Variants in TNKS observed in about 807,000 individuals in gnomAD.
TNKS encodes the protein tankyrase, also known as poly [ADP-ribose] polymerase tankyrase-1.
TNKS carries 72 observed loss-of-function variants against 135.8 expected under a neutral mutation model. The observed-to-expected ratio is 0.53, with a 90% CI of 0.44 to 0.64. TNKS has a LOEUF of 0.64. Ranked by LOEUF, TNKS falls within the 30% of genes least tolerant of loss-of-function variation. TNKS has a pLI of 0.00. For missense variants in TNKS, 1,769 were observed against 1,674.0 expected (o/e 1.06, Z -0.99); for synonymous variants, 849 against 649.3 (o/e 1.31, Z -4.68).
At chr8:9,728,651 T>C (rs1030445889) in intron 13 of TNKS, among the ~76,000 whole-genome samples, 1 of 152,230 alleles carries the variant, frequency 6.6e-6, no homozygotes, top group Non-Finnish European at 1.5e-5. Context: ...TTCTTTTTGA[T>C]TTATGTATTT....
At chr8:9,669,339 A>T (rs1026835748) in intron 3 of TNKS, among the ~76,000 whole-genome samples, 1 of 150,658 alleles carries the variant, frequency 6.6e-6, no homozygotes, top group South Asian at 2.1e-4. Flanking sequence ...AATGGCGTGA[A>T]CCCGGGAAGC....
chr8:9,771,446 A>C, intron 26 of TNKS, among the ~76,000 whole-genome samples: 1 of 81,486 alleles, frequency 1.2e-5, no homozygotes, highest in East Asian at 4.3e-4. Flanking sequence ...GAGGAAAGGA[A>C]AAGAGAGAGA....
chr8:9,638,114 A>G (rs569612203), intron 3 of TNKS, among the ~76,000 whole-genome samples: 1 of 152,296 alleles, frequency 6.6e-6, no homozygotes, highest in African/African-American at 2.4e-5. Flanking sequence ...AGCTAAGACT[A>G]TGGGCGTACG....
chr8:9,760,864 T>C (rs1807114988), intron 20 of TNKS, among the ~76,000 whole-genome samples: 1 of 152,242 alleles, frequency 6.6e-6, no homozygotes, highest in Non-Finnish European at 1.5e-5. Context: ...GGAGAAGGGA[T>C]TAAGTCTGAG....
intron 3 of TNKS, among the ~76,000 whole-genome samples, chr8:9,633,560 A>G (rs923100668): frequency 6.6e-6 from 1 of 152,232 alleles, no homozygotes; most frequent in African/African-American, 2.4e-5. Context: ...TCACGTTTGT[A>G]TAGTCCCCTC....
intron 20 of TNKS, among the ~76,000 whole-genome samples, chr8:9,753,687 C>T (rs115934785): frequency 0.011 from 1,669 of 152,206 alleles, 12 homozygotes; most frequent in African/African-American, 0.023. Flanking sequence ...ATTATTCTCC[C>T]AGGTGTAGGG....
At chr8:9,671,525 GA>G (rs1802268857) in intron 3 of TNKS, among the ~76,000 whole-genome samples, 1 of 152,148 alleles carries the variant, frequency 6.6e-6, no homozygotes, top group Non-Finnish European at 1.5e-5. Flanking sequence ...TATATTCTGT[GA>G]TTCCATTTAC....
intron 1 of TNKS, among the ~76,000 whole-genome samples, chr8:9,565,024 C>T (rs2129050059): frequency 6.7e-6 from 1 of 150,112 alleles, no homozygotes; most frequent in South Asian, 2.1e-4. Context: ...AAAAAAAAAT[C>T]ACTTTGATTT....
At chr8:9,773,007 A>G (rs1232051530) in intron 26 of TNKS, among the ~76,000 whole-genome samples, 1 of 151,666 alleles carries the variant, frequency 6.6e-6, no homozygotes, top group Non-Finnish European at 1.5e-5. Flanking sequence ...AATTTTTGCA[A>G]CTTACTTGTA....
At chr8:9,769,612 C>CTTTTTTTTTTTT (rs1163803220) in intron 25 of TNKS, among the ~76,000 whole-genome samples, 2 of 73,462 alleles carry the variant, frequency 2.7e-5, no homozygotes, top group South Asian at 6.0e-4. Flanking sequence ...CAGGCATTTT[C>CTTTTTTTTTTTT]TTTTTTTTTT....
Position 9,556,467 on chromosome 8 carries a change from C to G in TNKS, c.528C>G (p.Val176=). 6.2e-7 allele frequency: 1 copy of G among 1,614,134 alleles called. No homozygotes were observed. The highest frequency in any genetic ancestry group is 8.5e-7 in the Non-Finnish European group (1 of 1,180,032). The part of the protein sequence containing the change: ...GPGAAGPGTG[V]PAVSGALREL... Reference sequence around the variant, plus strand: ...GGGCAGCAGGACCTGGGACAGGGGTCCCAGCAGTGAGCGGGGCCCTACGGG... The same window carrying G: ...GGGCAGCAGGACCTGGGACAGGGGTGCCAGCAGTGAGCGGGGCCCTACGGG... The change falls in exon 1 of 27, where the codon GTC becomes GTG. Residue 176 remains valine (V), a synonymous_variant. Coordinates refer to ENST00000310430, the MANE Select transcript of TNKS (RefSeq NM_003747.3).
Position 9,556,555 on chromosome 8 carries a change from A to C in TNKS, c.616A>C (p.Asn206His), listed in dbSNP as rs745654907. 6.2e-7 allele frequency: 1 copy of C among 1,613,994 alleles called. No homozygotes were observed. The highest frequency in any genetic ancestry group is 8.5e-7 in the Non-Finnish European group (1 of 1,179,982). Residue 206 changes from asparagine (N) to histidine (H), a missense_variant, in exon 1 of 27, where the codon AAC becomes CAC. This residue lies in a region of TNKS where 450 missense variants were observed against 304.9 expected (regional missense o/e 1.48). Transcript: ENST00000310430. The part of the protein sequence containing the change: ...SRVKRLVDAA[N>H]VNAKDMAGRK... ...GGTAAAGAGGCTGGTGGACGCGGCA[A>C]ACGTAAATGCAAAGGACATGGCCGG...
At chr8:9,743,639 G>C (rs1806083600) in intron 17 of TNKS, 3 of 152,358 alleles carry the variant, frequency 2.0e-5, no homozygotes, top group Admixed American at 2.0e-4. Flanking sequence ...TATAATCCCA[G>C]CACTTTGGGA....
chr8:9,775,190 G>C (rs990395849), intron 26 of TNKS, among the ~76,000 whole-genome samples: 1 of 151,910 alleles, frequency 6.6e-6, no homozygotes, highest in African/African-American at 2.4e-5. Context: ...ATTAGCAGTA[G>C]GTATCTGACC....
Position 9,615,927 on chromosome 8 carries a change from A to C in TNKS, c.994+250A>C, listed in dbSNP as rs549345746. Among the ~76,000 whole-genome samples the C allele has an allele frequency of 2.0e-5, 3 of 152,258 alleles. No homozygotes were observed. The East Asian group carries it at 5.8e-4, about 29-fold the overall frequency. On this transcript the variant is annotated intron_variant, in intron 3 of 26. Transcript: ENST00000310430. ...TCATAACATCTTTCACTCGTATTTT[A>C]GTCATTTTTATGGTTTATATCATAA...
chr8:9,585,479 T>G (rs1353062681), intron 2 of TNKS, among the ~76,000 whole-genome samples: 1 of 152,102 alleles, frequency 6.6e-6, no homozygotes, highest in Admixed American at 6.5e-5. Flanking sequence ...AAAGATAAAC[T>G]GAGTAAGATG....
intron 3 of TNKS, among the ~76,000 whole-genome samples, chr8:9,621,072 A>G (rs929952096): frequency 2.0e-5 from 3 of 152,266 alleles, no homozygotes; most frequent in Non-Finnish European, 4.4e-5. Context: ...TAGTTTTAAT[A>G]AATTTTTAGC....
At chr8:9,624,406 C>A (rs6986254) in intron 3 of TNKS, among the ~76,000 whole-genome samples, 1 of 152,234 alleles carries the variant, frequency 6.6e-6, no homozygotes, top group Admixed American at 6.5e-5. Context: ...CTCTGTTCTT[C>A]AAGATTTTTA....
At chr8:9,608,360 C>G (rs758083264) in intron 2 of TNKS, among the ~76,000 whole-genome samples, 3 of 149,496 alleles carry the variant, frequency 2.0e-5, no homozygotes, top group South Asian at 2.1e-4. Context: ...GATCCTGGCT[C>G]TCTGTTCTAG....
Sources: allele counts gnomAD v4.1 joint callset (sites outside exome capture counted in the v4.1 genomes callset), GRCh38; gene constraint gnomAD v4.1.1; regional missense constraint gnomAD v4.1.1; transcripts MANE v1.5; gene names NCBI Gene and HGNC (gene_info 2026-07-23, HGNC 2026-07-21).